SASH1: variants seen among roughly 807,000 people sequenced by gnomAD.
The protein encoded by SASH1 is SAM and SH3 domain containing 1.
Under a neutral mutation model 125.2 loss-of-function variants are expected in SASH1, and 44 were observed. That is an observed-to-expected ratio of 0.35 (90% confidence interval 0.28 to 0.45). The LOEUF (loss-of-function observed/expected upper bound fraction) is 0.45. Among genes scored for constraint, SASH1 ranks in the 20% least tolerant of loss-of-function variants. The pLI, the probability that SASH1 is intolerant of heterozygous loss-of-function variation, is 1.00. For missense variants in SASH1, 1,426 were observed against 1,614.5 expected (o/e 0.88, Z 2.00); for synonymous variants, 639 against 649.1 (o/e 0.98, Z 0.24).
intron 2 of SASH1, among the ~76,000 whole-genome samples, chr6:148,409,702 T>G (rs1475946784): frequency 1.3e-5 from 2 of 152,116 alleles, no homozygotes; most frequent in Non-Finnish European, 2.9e-5. Context: ...CTGGGAGGCC[T>G]AGGTGGGCGG....
At chr6:148,322,935 TTTCC>T (rs1354526305) in intron 1 of SASH1, among the ~76,000 whole-genome samples, 5 of 94,260 alleles carry the variant, frequency 5.3e-5, no homozygotes, top group Non-Finnish European at 7.0e-5. Flanking sequence ...CTCTCTTTCT[TTTCC>T]TTCCTTCCTT....
At chr6:148,477,233 A>C (rs1562443655) in intron 7 of SASH1, among the ~76,000 whole-genome samples, 1 of 152,224 alleles carries the variant, frequency 6.6e-6, no homozygotes, top group African/African-American at 2.4e-5. Context: ...TCATGTTAAA[A>C]TGCTTCTGCA....
chr6:148,544,351 C>T lies in SASH1; in HGVS notation c.2881C>T (p.His961Tyr), dbSNP rs1367719288. ...AAAAGGACACGAGTTTGAAGGAACA[C>T]ACCATCCCCTGGGCACCAAAGAAGG... is the stretch of plus-strand genomic sequence containing the variant. ...HRKGHEFEGTHHPLGTKEGVD... is the reference protein window; with the variant it reads ...HRKGHEFEGTYHPLGTKEGVD... The change falls in exon 18 of 20, where the codon CAC (histidine) becomes TAC (tyrosine). Residue 961 changes from histidine to tyrosine, a missense_variant. His to Tyr is a moderately conservative substitution (Grantham distance 83). Transcript: ENST00000367467. The surrounding 1 kb of genome is among the most constrained non-coding windows in gnomAD (Gnocchi z 6.4). 1.2e-6 allele frequency: 2 copies of T among 1,614,074 alleles called. No individual in the cohort carries two copies. The highest frequency in any genetic ancestry group is 8.5e-7 in the Non-Finnish European group (1 of 1,180,042).
chr6:148,257,435 C>T, the SASH1 span, among the ~76,000 whole-genome samples: 2 of 152,138 alleles, frequency 1.3e-5, no homozygotes, highest in South Asian at 2.1e-4. Flanking sequence ...AGAGAGTTCC[C>T]GAGGCCAGAC....
At chr6:148,493,359 T>C (rs1779188831) in intron 8 of SASH1, among the ~76,000 whole-genome samples, 1 of 152,230 alleles carries the variant, frequency 6.6e-6, no homozygotes, top group Non-Finnish European at 1.5e-5. Flanking sequence ...TCATTCTCAT[T>C]ATTTTAGATT....
At chr6:148,262,924 C>A in the SASH1 span, among the ~76,000 whole-genome samples, 3 of 152,098 alleles carry the variant, frequency 2.0e-5, no homozygotes, top group Admixed American at 6.6e-5. Context: ...GGGTTTCAAG[C>A]TTAGAGGAAC....
chr6:148,291,725 A>G (rs1008650763), intron 1 of SASH1, among the ~76,000 whole-genome samples: 12 of 152,086 alleles, frequency 7.9e-5, no homozygotes, highest in Non-Finnish European at 1.8e-4. Flanking sequence ...TGACTCGGGG[A>G]CTTTTTTTTT....
intron 4 of SASH1, among the ~76,000 whole-genome samples, chr6:148,448,092 C>G (rs574444433): frequency 2.0e-5 from 3 of 147,930 alleles, no homozygotes; most frequent in African/African-American, 7.6e-5. Flanking sequence ...CCTGGACTCT[C>G]CTGCTTCTAT....
chr6:148,281,047 A>G (rs1373036920), intron 1 of SASH1, among the ~76,000 whole-genome samples: 1 of 150,648 alleles, frequency 6.6e-6, no homozygotes, highest in Admixed American at 6.6e-5. Flanking sequence ...GGTTCAAGCA[A>G]TTCTCCTGCC....
chr6:148,326,999 C>T (rs961159869), intron 1 of SASH1, among the ~76,000 whole-genome samples: 2 of 152,200 alleles, frequency 1.3e-5, no homozygotes, highest in African/African-American at 2.4e-5. Flanking sequence ...ACTTCCCCTA[C>T]TGGCTGGTGA....
At chr6:148,266,249 G>A in the SASH1 span, among the ~76,000 whole-genome samples, 4 of 152,188 alleles carry the variant, frequency 2.6e-5, no homozygotes, top group African/African-American at 7.2e-5. Context: ...GATTACAGGC[G>A]TGAGCCACCG....
In SASH1 at chr6:148,376,986, C is replaced by T. The variant is rs1329097626; in HGVS notation, c.157-13148C>T. ...GAGATCGAGACCATCCCGGCTAAAA[C>T]GGTGAAACCCCGTCTCTACTAAAAA... On this transcript the variant is annotated intron_variant, in intron 1 of 19. Coordinates refer to ENST00000367467, the MANE Select transcript of SASH1 (RefSeq NM_015278.5). Among the ~76,000 whole-genome samples, 29 of 150,650 alleles carry T rather than the reference C, an allele frequency of 1.9e-4. 1 individual carries two copies. The highest frequency in any genetic ancestry group is 5.6e-4 in the African/African-American group (23 of 40,984).
intron 2 of SASH1, among the ~76,000 whole-genome samples, chr6:148,411,823 C>T (rs930949329): frequency 6.6e-6 from 1 of 152,190 alleles, no homozygotes; most frequent in African/African-American, 2.4e-5. Flanking sequence ...AGATTACAGG[C>T]GTGAGCCACT....
chr6:148,194,042 T>C, the SASH1 span, among the ~76,000 whole-genome samples: 1 of 152,252 alleles, frequency 6.6e-6, no homozygotes, highest in Non-Finnish European at 1.5e-5. Context: ...TACATAAACA[T>C]GATCAGAAGG....
intron 1 of SASH1, among the ~76,000 whole-genome samples, chr6:148,377,524 T>G (rs929996055): frequency 1.6e-4 from 25 of 152,238 alleles, no homozygotes; most frequent in Non-Finnish European, 3.5e-4. Flanking sequence ...TGTTAAAAAT[T>G]ATCAGCAATA....
intron 1 of SASH1, among the ~76,000 whole-genome samples, chr6:148,277,013 T>G (rs1335818819): frequency 6.6e-6 from 1 of 152,210 alleles, no homozygotes; most frequent in African/African-American, 2.4e-5. Context: ...TTCAGACATA[T>G]TAACTCATTT....
chr6:148,515,504 A>T (rs1466956140), intron 9 of SASH1, among the ~76,000 whole-genome samples: 1 of 152,192 alleles, frequency 6.6e-6, no homozygotes, highest in Non-Finnish European at 1.5e-5. Context: ...ATAATACCGA[A>T]GCTAAGTGGG....
intron 1 of SASH1, among the ~76,000 whole-genome samples, chr6:148,325,060 A>G (rs1471977894): frequency 3.3e-5 from 5 of 152,214 alleles, no homozygotes; most frequent in Non-Finnish European, 5.9e-5. Context: ...TGACCTCTGT[A>G]TTAGTCCATT....
At chr6:148,363,546 G>T (rs9403950) in intron 1 of SASH1, among the ~76,000 whole-genome samples, 2 of 151,868 alleles carry the variant, frequency 1.3e-5, no homozygotes, top group East Asian at 1.9e-4. Flanking sequence ...GATTACAGGC[G>T]CCCGCCACCA....
Sources: allele counts gnomAD v4.1 joint callset (sites outside exome capture counted in the v4.1 genomes callset), GRCh38; gene constraint gnomAD v4.1.1; non-coding constraint Gnocchi (gnomAD v3.1); transcripts MANE v1.5; gene names NCBI Gene and HGNC (gene_info 2026-07-23, HGNC 2026-07-21).